Variants in CABCOCO1 observed in about 807,000 individuals in gnomAD.
CABCOCO1 encodes the protein ciliary-associated calcium-binding coiled-coil protein 1.
In CABCOCO1, 28 loss-of-function variants were observed where a neutral mutation model predicts 35.7. The observed-to-expected ratio is 0.78, with a 90% CI of 0.58 to 1.07. The LOEUF is 1.07. CABCOCO1 is among the 50% of genes least tolerant of loss of function. The pLI is 0.00. For synonymous variants in CABCOCO1, 95 were observed against 100.1 expected, an observed-to-expected ratio of 0.95 and a Z score of 0.30; for missense variants, 326 against 309.2, an observed-to-expected ratio of 1.05 and a Z score of -0.41.
At chr10:61,754,650 C>G (rs61850523) in intron 5 of CABCOCO1, among the ~76,000 whole-genome samples, 3,090 of 152,170 alleles carry the variant, frequency 0.02, 54 homozygotes, top group Middle Eastern at 0.051. Flanking sequence ...AAAATGGGCA[C>G]AAGGTGTTAA....
At chr10:61,669,364 T>C (rs1371978924) in intron 1 of CABCOCO1, among the ~76,000 whole-genome samples, 1 of 152,074 alleles carries the variant, frequency 6.6e-6, no homozygotes, top group Non-Finnish European at 1.5e-5. Context: ...TGGAGTAAAA[T>C]GAATTAACAG....
Position 61,690,619 on chromosome 10 carries a change from G to A in CABCOCO1, c.550G>A (p.Glu184Lys), listed in dbSNP as rs770873852. The stretch of plus-strand genomic sequence containing the variant: ...CAGGGAAGAAATTGTGATAGGAACT[G>A]AGGTAAGTAATTTATCTAGATGGAA... ...SAREEIVIGT[E>K]QVIEVVKSAC... is the part of the protein sequence containing the mutation. The change falls in exon 5 of 8, where the codon GAG becomes AAG. Residue 184 changes from glutamate (E) to lysine (K), a missense_variant and splice_region_variant. Coordinates refer to ENST00000648843, the MANE Select transcript of CABCOCO1 (RefSeq NM_001366906.2). 8.8e-6 allele frequency: 14 copies of A among 1,585,782 alleles called. No homozygotes were observed. Among genetic ancestry groups the A allele is most frequent in the Non-Finnish European group, 1.2e-5 (14 of 1,155,770 alleles).
rs192229869 is a variant in CABCOCO1 at position 61,692,577 on chromosome 10, A to T, written c.552+1956A>T. Among the ~76,000 whole-genome samples, 10 of 152,230 alleles carry T rather than the reference A, an allele frequency of 6.6e-5. No individual in the cohort carries two copies. The East Asian group carries it at 1.9e-3, about 29-fold the overall frequency. ...TTTCCTGATATTAAGAACCACATGGAACATGCCAGCTATTCTGACTTCCTG... is the reference window on the plus strand; with the variant it reads ...TTTCCTGATATTAAGAACCACATGGTACATGCCAGCTATTCTGACTTCCTG... On this transcript the variant is annotated intron_variant, in intron 5 of 7. Transcript: ENST00000648843.
At chr10:61,694,453 A>G (rs1840239902) in intron 5 of CABCOCO1, among the ~76,000 whole-genome samples, 1 of 151,588 alleles carries the variant, frequency 6.6e-6, no homozygotes, top group South Asian at 2.1e-4. Flanking sequence ...ATTACTTGGG[A>G]TAATTGGCTA....
intron 5 of CABCOCO1, among the ~76,000 whole-genome samples, chr10:61,733,166 G>T (rs1841343183): frequency 6.6e-6 from 1 of 151,878 alleles, no homozygotes; most frequent in Admixed American, 6.6e-5. Flanking sequence ...GCGTTTATCT[G>T]TTGTAATGTC....
rs185617704 is a variant in CABCOCO1, at chr10:61,663,565, C to T, written c.60+533C>T. ...AAGATTGGTGTTTCCATTATTTTGC[C>T]ATTTTCCTAAACAAATAAATACAGG... On this transcript the variant is annotated intron_variant, in intron 1 of 7. Transcript: ENST00000648843. Among the ~76,000 whole-genome samples, 235 of 152,066 alleles carry T rather than the reference C, an allele frequency of 1.5e-3. 1 individual carries two copies. The highest frequency in any genetic ancestry group is 5.3e-3 in the African/African-American group (220 of 41,492).
intron 3 of CABCOCO1, 152 bp downstream of exon 3, chr10:61,681,464 T>C (rs372168185): frequency 2.0e-4 from 108 of 553,146 alleles, no homozygotes; most frequent in East Asian, 1.4e-3. Flanking sequence ...CCTATCTCCA[T>C]TGAGTTATAA....
In CABCOCO1 at chr10:61,690,621, G is replaced by A. The variant is rs35796382; in HGVS notation, c.552G>A (p.Glu184=). 13,754 of 1,583,290 alleles carry A rather than the reference G, an allele frequency of 8.7e-3. 496 individuals are homozygous for A. In the Admixed American group the frequency reaches 0.091, roughly 10 times the overall value. ...SAREEIVIGT[E]QVIEVVKSAC... ...GGGAAGAAATTGTGATAGGAACTGA[G>A]GTAAGTAATTTATCTAGATGGAACA... Residue 184 remains glutamate (E), a splice_region_variant and synonymous_variant, in exon 5 of 8, where the codon GAG becomes GAA. Transcript: ENST00000648843.
intron 5 of CABCOCO1, among the ~76,000 whole-genome samples, chr10:61,749,519 A>G (rs1017477311): frequency 7.9e-5 from 12 of 152,264 alleles, no homozygotes; most frequent in Admixed American, 7.8e-4. Flanking sequence ...TTATTTTGGA[A>G]CAATGCACTG....
At chr10:61,671,728 T>C (rs1564528928) in intron 1 of CABCOCO1, among the ~76,000 whole-genome samples, 3 of 151,234 alleles carry the variant, frequency 2.0e-5, no homozygotes. Context: ...TGTTTAACTC[T>C]TCCTCTGCTC....
chr10:61,680,645 A>ATGT (rs1839726707), intron 2 of CABCOCO1, among the ~76,000 whole-genome samples: 1 of 80,430 alleles, frequency 1.2e-5, no homozygotes, highest in Non-Finnish European at 2.6e-5. Context: ...TACATATATA[A>ATGT]TATATATTAT....
chr10:61,696,591 G>A (rs537906297), intron 5 of CABCOCO1, among the ~76,000 whole-genome samples: 3 of 152,096 alleles, frequency 2.0e-5, no homozygotes, highest in African/African-American at 7.2e-5. Flanking sequence ...TTGAACTCCT[G>A]GGCTCAAGTG....
At position 61,760,100 on chromosome 10, in the gene CABCOCO1, A is replaced by C. The variant is rs753975040; in HGVS notation, c.594A>C (p.Pro198=). The change falls in exon 6 of 8, where the codon CCA becomes CCC. Residue 198 remains proline (P), a synonymous_variant. Transcript: ENST00000648843. ...EVVKSACGPF[P]NPLEEGISFD... is the part of the protein sequence containing the mutation. ...TCAAGTCTGCATGTGGCCCTTTCCC[A>C]AATCCTCTGGAAGAAGGAATCTCAT... 1.2e-6 allele frequency: 2 copies of C among 1,612,870 alleles called. No homozygotes were observed.
intron 1 of CABCOCO1, among the ~76,000 whole-genome samples, chr10:61,668,202 A>C (rs1020779604): frequency 6.6e-6 from 1 of 151,992 alleles, no homozygotes; most frequent in Non-Finnish European, 1.5e-5. Flanking sequence ...TTATTTGGTC[A>C]TAGGTATAGC....
At chr10:61,684,220 A>C (rs1839886891) in intron 3 of CABCOCO1, among the ~76,000 whole-genome samples, 1 of 152,202 alleles carries the variant, frequency 6.6e-6, no homozygotes, top group African/African-American at 2.4e-5. Context: ...GATGATCTGG[A>C]GGGAGGCAAT....
chr10:61,682,379 T>C (rs1479887617), intron 3 of CABCOCO1, among the ~76,000 whole-genome samples: 2 of 152,102 alleles, frequency 1.3e-5, no homozygotes, highest in African/African-American at 4.8e-5. Flanking sequence ...CTCCACACTT[T>C]TAAACTGAAC....
intron 2 of CABCOCO1, among the ~76,000 whole-genome samples, chr10:61,679,339 C>CTA (rs758657437): frequency 6.0e-5 from 8 of 132,614 alleles, no homozygotes; most frequent in Non-Finnish European, 8.3e-5. Flanking sequence ...CTATCTATAT[C>CTA]TATCTATCTA....
intron 3 of CABCOCO1, 46 bp downstream of exon 3, chr10:61,681,358 A>G (rs764096965): frequency 2.9e-6 from 4 of 1,373,818 alleles, no homozygotes; most frequent in Admixed American, 2.3e-5. Flanking sequence ...TTAATTTACC[A>G]TATAAATTGA....
At position 61,719,374 on chromosome 10, in the gene CABCOCO1, T is replaced by C. The variant is rs576652812; in HGVS notation, c.552+28753T>C. On this transcript the variant is annotated intron_variant, in intron 5 of 7. Transcript: ENST00000648843. ...AATATTATTTAGACAATATTGAGAG[T>C]ACACACTGAGTTGCTGGTTTAACTT... is the stretch of plus-strand genomic sequence containing the variant. Among the ~76,000 whole-genome samples, 3 of 152,038 alleles carry C rather than the reference T, an allele frequency of 2.0e-5. No homozygotes were observed. In the South Asian group the frequency reaches 6.2e-4, roughly 32 times the overall value.
Sources: gnomAD v4.1 joint callset for allele counts (sites outside exome capture counted in the v4.1 genomes callset) on GRCh38, gnomAD v4.1.1 for gene constraint, MANE v1.5 for transcripts, NCBI Gene and HGNC (gene_info 2026-07-23, HGNC 2026-07-21) for gene names.